CNTN5: variants seen among roughly 807,000 people sequenced by gnomAD.
CNTN5 encodes contactin 5.
CNTN5 carries 77 observed loss-of-function variants against 129.1 expected under a neutral mutation model. That is an observed-to-expected ratio of 0.60 (90% CI 0.50 to 0.72). CNTN5 has a LOEUF of 0.72. Ranked by LOEUF, CNTN5 falls within the 30% of genes least tolerant of loss-of-function variation. CNTN5 has a pLI of 0.00. For missense variants in CNTN5, 1,478 were observed against 1,328.8 expected (o/e 1.11, Z -1.75); for synonymous variants, 509 against 465.6 (o/e 1.09, Z -1.20).
intron 1 of CNTN5, among the ~76,000 whole-genome samples, chr11:99,216,020 C>T (rs1214013794): frequency 6.6e-6 from 1 of 152,166 alleles, no homozygotes; most frequent in Non-Finnish European, 1.5e-5. Context: ...GTTACAGAAA[C>T]ACTGCAATAT....
At chr11:100,262,793 G>T (rs1950227901) in intron 17 of CNTN5, among the ~76,000 whole-genome samples, 1 of 152,210 alleles carries the variant, frequency 6.6e-6, no homozygotes, top group Admixed American at 6.5e-5. Context: ...CTGCCAGGGA[G>T]TGGGGTCCTA....
At chr11:99,183,765 T>G (rs762704970) in intron 1 of CNTN5, among the ~76,000 whole-genome samples, 3 of 152,136 alleles carry the variant, frequency 2.0e-5, no homozygotes, top group Non-Finnish European at 2.9e-5. Context: ...CCAACCTAAC[T>G]GCGTAAACTC....
chr11:99,496,612 G>A (rs1027856823), intron 2 of CNTN5, among the ~76,000 whole-genome samples: 3 of 152,204 alleles, frequency 2.0e-5, no homozygotes, highest in South Asian at 2.1e-4. Context: ...ATCAGTGGCT[G>A]TCTAGCAAGA....
At position 99,174,884 on chromosome 11, in the gene CNTN5, T is replaced by C. The variant is rs374802966; in HGVS notation, c.-209-150462T>C. On this transcript the variant is annotated intron_variant, in intron 1 of 24. Coordinates refer to ENST00000524871, the MANE Select transcript of CNTN5 (RefSeq NM_014361.4). ...AATTGTATCTGTGGCTATGTAAAAA[T>C]TATAATTTCTATCTTTAAATTCATA... Among the ~76,000 whole-genome samples, 4 of 152,234 alleles carry C rather than the reference T, an allele frequency of 2.6e-5. No homozygotes were observed. The East Asian group carries it at 7.7e-4, about 29-fold the overall frequency.
At chr11:100,334,813 G>A (rs557936567) in intron 21 of CNTN5, among the ~76,000 whole-genome samples, 4 of 152,100 alleles carry the variant, frequency 2.6e-5, no homozygotes, top group South Asian at 2.1e-4. Flanking sequence ...AAAAGTTCTC[G>A]CATTGGGTGC....
At chr11:100,303,290 T>TA (rs916663907) in intron 20 of CNTN5, among the ~76,000 whole-genome samples, 16 of 150,850 alleles carry the variant, frequency 1.1e-4, no homozygotes, top group African/African-American at 1.7e-4. Flanking sequence ...ATTCCATTTT[T>TA]AAAAAAAAAG....
chr11:99,132,621 G>A (rs899244119), intron 1 of CNTN5, among the ~76,000 whole-genome samples: 1 of 152,006 alleles, frequency 6.6e-6, no homozygotes, highest in African/African-American at 2.4e-5. Context: ...CAGGCAAGCA[G>A]AGAGCCAAAT....
chr11:99,197,379 T>A (rs1389548088), intron 1 of CNTN5, among the ~76,000 whole-genome samples: 1 of 152,042 alleles, frequency 6.6e-6, no homozygotes, highest in Non-Finnish European at 1.5e-5. Context: ...ACTCTTAGGA[T>A]CTGTTTTCTA....
intron 9 of CNTN5, among the ~76,000 whole-genome samples, chr11:100,027,471 G>A (rs1941483729): frequency 6.6e-6 from 1 of 152,130 alleles, no homozygotes; most frequent in Non-Finnish European, 1.5e-5. Flanking sequence ...TTTTCCACAT[G>A]GATGTTAGGT....
intron 19 of CNTN5, among the ~76,000 whole-genome samples, chr11:100,297,903 T>G (rs1425333590): frequency 6.6e-6 from 1 of 151,528 alleles, no homozygotes; most frequent in African/African-American, 2.4e-5. Context: ...TGGAATGATT[T>G]TCTTCATTTT....
chr11:99,246,971 A>G (rs1439229580), intron 1 of CNTN5, among the ~76,000 whole-genome samples: 4 of 152,158 alleles, frequency 2.6e-5, no homozygotes, highest in African/African-American at 9.7e-5. Flanking sequence ...AACCTTTAAA[A>G]TGCTACTTTC....
At chr11:100,077,699 C>T (rs1373360635) in intron 13 of CNTN5, among the ~76,000 whole-genome samples, 1 of 151,784 alleles carries the variant, frequency 6.6e-6, no homozygotes, top group Non-Finnish European at 1.5e-5. Context: ...AATAAATAGT[C>T]AGGCATGGTG....
chr11:99,848,055 C>CA (rs1394659040), intron 6 of CNTN5, among the ~76,000 whole-genome samples: 4 of 151,968 alleles, frequency 2.6e-5, no homozygotes, highest in Non-Finnish European at 5.9e-5. Flanking sequence ...ACTAAAAATA[C>CA]AAAAAATTAG....
chr11:99,564,696 T>C (rs1460596547), intron 3 of CNTN5, among the ~76,000 whole-genome samples: 3 of 152,206 alleles, frequency 2.0e-5, no homozygotes, highest in African/African-American at 4.8e-5. Context: ...ATCTCTATTG[T>C]GCCAAAATCT....
chr11:99,999,175 G>T (rs1383442339), intron 8 of CNTN5, among the ~76,000 whole-genome samples: 1 of 152,028 alleles, frequency 6.6e-6, no homozygotes, highest in African/African-American at 2.4e-5. Context: ...TTAAACTAAA[G>T]AGCTTCTGCA....
intron 13 of CNTN5, 118 bp downstream of exon 13, chr11:100,074,412 A>G (rs1944045981): frequency 2.2e-6 from 2 of 907,462 alleles, no homozygotes; most frequent in Non-Finnish European, 3.3e-6. Flanking sequence ...TTATGAACTG[A>G]TTGAAACATG....
intron 6 of CNTN5, among the ~76,000 whole-genome samples, chr11:99,914,941 G>A (rs1205928903): frequency 6.6e-6 from 1 of 151,914 alleles, no homozygotes; most frequent in Non-Finnish European, 1.5e-5. Flanking sequence ...GTATTTTCTT[G>A]AGTGTTCAGT....
intron 17 of CNTN5, among the ~76,000 whole-genome samples, 172 bp downstream of exon 17, chr11:100,256,090 C>T (rs1950064220): frequency 6.6e-6 from 1 of 152,090 alleles, no homozygotes; most frequent in Non-Finnish European, 1.5e-5. Context: ...AGCAAGGTAC[C>T]TTGCTTTCCT....
chr11:99,226,280 C>A (rs891075865), intron 1 of CNTN5, among the ~76,000 whole-genome samples: 1 of 152,146 alleles, frequency 6.6e-6, no homozygotes, highest in Non-Finnish European at 1.5e-5. Context: ...ACGTGAGGGT[C>A]TTTAGGATCC....
Sources: gnomAD v4.1 joint callset for allele counts (sites outside exome capture counted in the v4.1 genomes callset) on GRCh38, gnomAD v4.1.1 for gene constraint, MANE v1.5 for transcripts, NCBI Gene and HGNC (gene_info 2026-07-23, HGNC 2026-07-21) for gene names.